PKP4: variants seen among roughly 807,000 people sequenced by gnomAD.
The protein encoded by PKP4 is plakophilin-4.
PKP4 carries 90 observed loss-of-function variants against 145.1 expected under a neutral mutation model. The ratio of observed to expected loss-of-function variants is 0.62; its 90% CI spans 0.52 to 0.74. The LOEUF (loss-of-function observed/expected upper bound fraction) is 0.74. Among genes scored for constraint, PKP4 ranks in the 30% least tolerant of loss-of-function variants. The pLI is 0.00. For missense variants in PKP4, 1,340 were observed against 1,482.7 expected (o/e 0.90, Z 1.58); for synonymous variants, 563 against 577.2 (o/e 0.98, Z 0.35).
chr2:158,484,081 C>CCGGACTG (rs1305382313), intron 1 of PKP4, among the ~76,000 whole-genome samples: 1 of 149,706 alleles, frequency 6.7e-6, no homozygotes, highest in African/African-American at 2.5e-5. Context: ...GTCGCCCAGG[C>CCGGACTG]CGGACTGCGG....
At chr2:158,562,085 G>A (rs1048404434) in intron 2 of PKP4, among the ~76,000 whole-genome samples, 3 of 152,064 alleles carry the variant, frequency 2.0e-5, no homozygotes, top group African/African-American at 7.3e-5. Flanking sequence ...TTTTGTGAAA[G>A]TTAGTAGTTT....
intron 1 of PKP4, among the ~76,000 whole-genome samples, chr2:158,464,423 G>A (rs981384630): frequency 2.6e-5 from 4 of 152,160 alleles, no homozygotes; most frequent in African/African-American, 9.7e-5. Context: ...TAAAAATTCA[G>A]TGATGAAAGT....
chr2:158,545,099 T>TTTTTTTTA (rs58175323), intron 2 of PKP4, among the ~76,000 whole-genome samples: 2 of 123,458 alleles, frequency 1.6e-5, no homozygotes, highest in Non-Finnish European at 1.9e-5. Context: ...TTTTTTTTTT[T>TTTTTTTTA]GAGCCACTGG....
chr2:158,583,759 G>A (rs1338559300), intron 3 of PKP4, among the ~76,000 whole-genome samples: 7 of 151,974 alleles, frequency 4.6e-5, no homozygotes, highest in Non-Finnish European at 8.8e-5. Flanking sequence ...ATTCCCCACA[G>A]GTGACTTTTT....
At chr2:158,665,757 GA>G (rs1317090257) in intron 15 of PKP4, 2 of 152,166 alleles carry the variant, frequency 1.3e-5, no homozygotes, top group Non-Finnish European at 2.9e-5. Flanking sequence ...CATAGTCACA[GA>G]AAAATTTCTT....
chr2:158,549,629 A>G (rs1219892918), intron 2 of PKP4, among the ~76,000 whole-genome samples: 2 of 152,008 alleles, frequency 1.3e-5, no homozygotes, highest in Admixed American at 6.6e-5. Flanking sequence ...TTTTTTTCTT[A>G]TAATATTTTA....
intron 15 of PKP4, 88 bp from the exon 16 acceptor site, chr2:158,666,325 T>A: frequency 8.7e-7 from 1 of 1,152,434 alleles, no homozygotes; most frequent in Non-Finnish European, 1.2e-6. Flanking sequence ...TATTAGTTCA[T>A]CTTTTGGAAA....
chr2:158,477,443 G>T (rs992108469), intron 1 of PKP4, among the ~76,000 whole-genome samples: 1 of 152,076 alleles, frequency 6.6e-6, no homozygotes, highest in African/African-American at 2.4e-5. Flanking sequence ...TGACAAATAA[G>T]AAATTAGAAG....
chr2:158,647,324 A>G (rs2054927228), intron 11 of PKP4, among the ~76,000 whole-genome samples: 1 of 152,198 alleles, frequency 6.6e-6, no homozygotes, highest in Non-Finnish European at 1.5e-5. Flanking sequence ...TTGTGTTCCA[A>G]ATATTATATA....
intron 2 of PKP4, among the ~76,000 whole-genome samples, chr2:158,545,056 C>G (rs2044862606): frequency 6.8e-6 from 1 of 147,788 alleles, no homozygotes; most frequent in African/African-American, 2.5e-5. Flanking sequence ...GAGAGCAGGC[C>G]TAACCTAAGT....
intron 10 of PKP4, among the ~76,000 whole-genome samples, chr2:158,642,121 C>T (rs2054341748): frequency 6.6e-6 from 1 of 152,106 alleles, no homozygotes; most frequent in Non-Finnish European, 1.5e-5. Flanking sequence ...TCCCAGGTTC[C>T]AGCGATTCTT....
intron 16 of PKP4, chr2:158,669,343 T>C (rs2057370248): frequency 6.4e-6 from 1 of 155,596 alleles, no homozygotes; most frequent in Admixed American, 6.5e-5. Flanking sequence ...GAGGTATTTG[T>C]GATGCATAGG....
At chr2:158,598,563 C>T (rs558617366) in intron 3 of PKP4, among the ~76,000 whole-genome samples, 6 of 152,032 alleles carry the variant, frequency 3.9e-5, no homozygotes, top group Non-Finnish European at 8.8e-5. Flanking sequence ...GTCACGAGAT[C>T]GAGACCATCC....
chr2:158,624,855 C>CT (rs770551067), intron 6 of PKP4, 23 bp from the exon 7 acceptor site: 8 of 1,543,352 alleles, frequency 5.2e-6, no homozygotes, highest in Non-Finnish European at 6.1e-6. Context: ...AACCCATTCT[C>CT]TTTTTTCCCC....
chr2:158,497,969 G>T (rs1695986459), intron 1 of PKP4, among the ~76,000 whole-genome samples: 1 of 152,134 alleles, frequency 6.6e-6, no homozygotes, highest in African/African-American at 2.4e-5. Context: ...TGTTTCGTAA[G>T]TATGAGCTTA....
intron 2 of PKP4, among the ~76,000 whole-genome samples, chr2:158,539,513 A>G (rs556733831): frequency 4.1e-4 from 62 of 152,368 alleles, no homozygotes; most frequent in African/African-American, 1.4e-3. Flanking sequence ...GTAAACAAGC[A>G]TAGTTTGTCA....
chr2:158,463,177 C>G (rs1573914260), intron 1 of PKP4, among the ~76,000 whole-genome samples: 1 of 152,152 alleles, frequency 6.6e-6, no homozygotes, highest in South Asian at 2.1e-4. Context: ...GTTGTAGCTT[C>G]TTGCGGTAGG....
At chr2:158,475,856 C>A (rs1184923930) in intron 1 of PKP4, among the ~76,000 whole-genome samples, 2 of 152,168 alleles carry the variant, frequency 1.3e-5, no homozygotes, top group Non-Finnish European at 2.9e-5. Context: ...GGGTCTGATT[C>A]TGGAAGAATC....
At chr2:158,619,021 T>C (rs1006882194) in intron 4 of PKP4, among the ~76,000 whole-genome samples, 5 of 152,240 alleles carry the variant, frequency 3.3e-5, no homozygotes, top group African/African-American at 1.2e-4. Context: ...CTGTAGTTTC[T>C]TGCTAGTTCG....
Sources: allele counts gnomAD v4.1 joint callset (sites outside exome capture counted in the v4.1 genomes callset), GRCh38; gene constraint gnomAD v4.1.1; transcripts MANE v1.5; gene names NCBI Gene and HGNC (gene_info 2026-07-23, HGNC 2026-07-21).